DNAH5: variants seen among roughly 807,000 people sequenced by gnomAD.
The protein encoded by DNAH5 is dynein axonemal heavy chain 5.
A neutral mutation model predicts 518.2 loss-of-function variants in DNAH5; 372 were observed. The observed-to-expected ratio is 0.72, with a 90% CI of 0.66 to 0.78. The LOEUF (loss-of-function observed/expected upper bound fraction) is 0.78. DNAH5 is among the 30% of genes least tolerant of loss of function. DNAH5 has a pLI of 0.00. For synonymous variants in DNAH5, 2,039 were observed against 2,025.9 expected (o/e 1.01, Z -0.17); for missense variants, 5,523 against 5,687.0 (o/e 0.97, Z 0.93).
chr5:14,009,812 C>A (rs1001591655), intron 1 of DNAH5, among the ~76,000 whole-genome samples: 24 of 152,164 alleles, frequency 1.6e-4, no homozygotes, highest in Admixed American at 1.6e-3. Flanking sequence ...CAAAGATGTG[C>A]CTGAGTGAAC....
intron 52 of DNAH5, among the ~76,000 whole-genome samples, chr5:13,783,344 T>C (rs1755480526): frequency 6.6e-6 from 1 of 152,180 alleles, no homozygotes; most frequent in Non-Finnish European, 1.5e-5. Flanking sequence ...TGTATCCAGA[T>C]TCTCTGTGTG....
In DNAH5 at chr5:13,700,802, T is replaced by A. The variant is rs1250233020; in HGVS notation, c.13561A>T (p.Met4521Leu). 3.1e-6 allele frequency: 5 copies of A among 1,614,044 alleles called. No homozygotes were observed. Among genetic ancestry groups the A allele is most frequent in the East Asian group, 2.2e-5 (1 of 44,888 alleles). Residue 4521 changes from methionine to leucine, a missense_variant, in exon 78 of 79, where the codon ATG becomes TTG. Coordinates refer to ENST00000265104, the MANE Select transcript of DNAH5 (RefSeq NM_001369.3). ...MVLCNEVTKW[M>L]KDDISAPPTE... Reference sequence around the variant, plus strand: ...GGAGGGGCAGAAATGTCGTCCTTCATCCATTTGGTGACTTCATTGCAAAGC... The same window carrying A: ...GGAGGGGCAGAAATGTCGTCCTTCAACCATTTGGTGACTTCATTGCAAAGC...
At chr5:13,712,771 G>A (rs1486398282) in intron 75 of DNAH5, among the ~76,000 whole-genome samples, 4 of 152,002 alleles carry the variant, frequency 2.6e-5, no homozygotes, top group Admixed American at 6.6e-5. Flanking sequence ...ACCACAACGC[G>A]ACAACAACTT....
intron 32 of DNAH5, among the ~76,000 whole-genome samples, chr5:13,842,551 G>A (rs1765440407): frequency 6.6e-6 from 1 of 151,878 alleles, no homozygotes. Context: ...TGTAAGGGGG[G>A]AAACTTATTT....
intron 1 of DNAH5, among the ~76,000 whole-genome samples, chr5:13,980,123 C>A (rs997265826): frequency 6.6e-6 from 1 of 152,038 alleles, no homozygotes; most frequent in Non-Finnish European, 1.5e-5. Context: ...CAGGCGTGAC[C>A]CACCGTGCCC....
intron 12 of DNAH5, among the ~76,000 whole-genome samples, chr5:13,908,066 G>A (rs950713152): frequency 1.3e-5 from 2 of 152,154 alleles, no homozygotes; most frequent in Non-Finnish European, 2.9e-5. Context: ...CTATTGGCAG[G>A]GTGGGGGATG....
chr5:13,835,294 T>G (rs1407269898), intron 35 of DNAH5, among the ~76,000 whole-genome samples: 1 of 150,080 alleles, frequency 6.7e-6, no homozygotes, highest in Non-Finnish European at 1.5e-5. Context: ...AAAAAAATAG[T>G]AGTAATGATA....
chr5:13,810,023 C>A, intron 45 of DNAH5, 36 bp downstream of exon 45: 1 of 1,543,210 alleles, frequency 6.5e-7, no homozygotes, highest in Non-Finnish European at 8.8e-7. Context: ...AAGAACGGCC[C>A]CCATGGGTTC....
chr5:13,806,920 A>G (rs1759699082), intron 47 of DNAH5, among the ~76,000 whole-genome samples: 1 of 152,184 alleles, frequency 6.6e-6, no homozygotes, highest in South Asian at 2.1e-4. Flanking sequence ...GCAATTGAGC[A>G]TGGGAGCTAG....
intron 1 of DNAH5, among the ~76,000 whole-genome samples, chr5:13,987,491 A>G (rs1783137835): frequency 6.6e-6 from 1 of 152,174 alleles, no homozygotes; most frequent in Non-Finnish European, 1.5e-5. Flanking sequence ...TGAAAATAAG[A>G]TATTAGCAAA....
At chr5:13,740,505 G>T (rs1172599686) in intron 65 of DNAH5, among the ~76,000 whole-genome samples, 1 of 152,078 alleles carries the variant, frequency 6.6e-6, no homozygotes, top group Non-Finnish European at 1.5e-5. Flanking sequence ...AGCCACGTTT[G>T]CTATTTCCTA....
chr5:13,986,018 T>G (rs1783031056), intron 1 of DNAH5, among the ~76,000 whole-genome samples: 1 of 152,202 alleles, frequency 6.6e-6, no homozygotes, highest in African/African-American at 2.4e-5. Context: ...GATTAAATAA[T>G]TTAGCACTTA....
intron 1 of DNAH5, among the ~76,000 whole-genome samples, chr5:13,991,678 G>A (rs1486532408): frequency 6.6e-6 from 1 of 152,062 alleles, no homozygotes; most frequent in South Asian, 2.1e-4. Flanking sequence ...AGAAACGAGG[G>A]AGGCGTGAAG....
At position 13,792,139 on chromosome 5, in the gene DNAH5, G is replaced by A. The variant is rs151040029; in HGVS notation, c.8303C>T (p.Pro2768Leu). Residue 2768 changes from proline (P) to leucine (L), a missense_variant, in exon 50 of 79, where the codon CCT (proline) becomes CTT (leucine). Physicochemically the swap from Pro to Leu is moderately conservative, Grantham distance 98. Around this residue, in one of 3 missense-constraint regions of DNAH5, gnomAD observed 5,121 missense variants for 5,223.3 expected, o/e 0.98. Coordinates refer to ENST00000265104, the MANE Select transcript of DNAH5 (RefSeq NM_001369.3). ...CATCTGCCATAGTCGGCGTGTCAGA[G>A]GCACCAATTTTGTCACAGAATCTCT... ...EVRDSVTKLV[P>L]LTRRLWQMTK... 1 of 1,613,916 alleles carries A rather than the reference G, an allele frequency of 6.2e-7. No homozygotes were observed. The highest frequency in any genetic ancestry group is 8.5e-7 in the Non-Finnish European group (1 of 1,179,958).
In DNAH5 at chr5:13,739,250, C is replaced by T. The variant is rs555229019; in HGVS notation, c.11212-1755G>A. The stretch of plus-strand genomic sequence containing the variant: ...TGTAATCCCCACAATCCCCAAGTGT[C>T]AAGGGTGGCACCAGGTAAAGGTAAT... On this transcript the variant is annotated intron_variant, in intron 65 of 78. Coordinates refer to ENST00000265104, the MANE Select transcript of DNAH5 (RefSeq NM_001369.3). 4.4e-4 allele frequency among the ~76,000 whole-genome samples: 67 copies of T among 152,326 alleles called. No homozygotes were observed. The Middle Eastern group carries it at 0.01, about 23-fold the overall frequency.
intron 9 of DNAH5, among the ~76,000 whole-genome samples, chr5:13,914,951 C>G (rs1023738703): frequency 1.3e-5 from 2 of 151,958 alleles, no homozygotes; most frequent in Non-Finnish European, 2.9e-5. Flanking sequence ...ATGAGTTTCC[C>G]CAAATCTCCT....
At chr5:13,981,575 T>A (rs79126157) in intron 1 of DNAH5, among the ~76,000 whole-genome samples, 84 of 152,282 alleles carry the variant, frequency 5.5e-4, no homozygotes, top group African/African-American at 1.9e-3. Flanking sequence ...ATGTGCTGGC[T>A]CTCTCCCCCA....
chr5:13,915,110 C>G (rs1271852041), intron 9 of DNAH5, among the ~76,000 whole-genome samples: 1 of 152,222 alleles, frequency 6.6e-6, no homozygotes, highest in African/African-American at 2.4e-5. Context: ...TACAAAACCA[C>G]TAACATTTTA....
chr5:13,900,507 T>A lies in DNAH5; in HGVS notation c.2053-95A>T, dbSNP rs555441200. ...TCTAGGAATAAGGATCATTAAATGT[T>A]CTTCCATGGATTTGAGCTTCCTAAA... On this transcript the variant is annotated intron_variant, in intron 14 of 78. Transcript: ENST00000265104. 1.8e-5 allele frequency: 19 copies of A among 1,063,652 alleles called. No individual in the cohort carries two copies. In the African/African-American group the frequency reaches 2.4e-4, roughly 13 times the overall value. 65.9% of individuals were successfully genotyped at this position (1,063,652 alleles called of 1,614,324 possible).
Sources: allele counts gnomAD v4.1 joint callset (sites outside exome capture counted in the v4.1 genomes callset), GRCh38; gene constraint gnomAD v4.1.1; regional missense constraint gnomAD v4.1.1; transcripts MANE v1.5; gene names NCBI Gene and HGNC (gene_info 2026-07-23, HGNC 2026-07-21).